The following CLIP1 variants were observed in gnomAD, a reference collection of about 807,000 sequenced individuals.
The protein encoded by CLIP1 is CAP-Gly domain-containing linker protein 1.
Under a neutral mutation model 161.6 loss-of-function variants are expected in CLIP1, and 66 were observed. That is an observed-to-expected ratio of 0.41 (90% CI 0.33 to 0.50). The LOEUF (loss-of-function observed/expected upper bound fraction) is 0.50. CLIP1 is among the 20% of genes least tolerant of loss of function. CLIP1 has a pLI of 0.27. For missense variants in CLIP1, 1,376 were observed against 1,702.0 expected (o/e 0.81, Z 3.37); for synonymous variants, 598 against 626.2 (o/e 0.96, Z 0.67).
rs767272290 is a variant in CLIP1 at position 122,333,000 on chromosome 12, G to A, written c.2854C>T (p.Arg952Cys). 25 of 1,612,952 alleles carry A rather than the reference G, an allele frequency of 1.5e-5. No individual in the cohort carries two copies. The South Asian group carries it at 2.5e-4, about 16-fold the overall frequency. The change falls in exon 15 of 26, where the codon CGT becomes TGT. Residue 952 changes from arginine (R) to cysteine (C), a missense_variant. Arg to Cys is a radical substitution (Grantham distance 180). This residue lies in a region of CLIP1 where 948 missense variants were observed against 1,134.8 expected (regional missense o/e 0.84). Coordinates refer to ENST00000620786, the MANE Select transcript of CLIP1 (RefSeq NM_001247997.2). Reference sequence around the variant, plus strand: ...AGTCACATATACCTTTCTTTCAGACGTAATTCATCGTTCATTTTTGTCAGC... The same window carrying A: ...AGTCACATATACCTTTCTTTCAGACATAATTCATCGTTCATTTTTGTCAGC... ...SQLTKMNDELRLKERDVEELQ... is the reference protein window; with the variant it reads ...SQLTKMNDELCLKERDVEELQ...
At position 122,352,781 on chromosome 12, in the gene CLIP1, A is replaced by G; in HGVS notation, c.1313T>C (p.Val438Ala). 1.2e-6 allele frequency: 2 copies of G among 1,613,734 alleles called. No individual in the cohort carries two copies. Among genetic ancestry groups the G allele is most frequent in the Non-Finnish European group, 1.7e-6 (2 of 1,179,668 alleles). Residue 438 changes from valine (V) to alanine (A), a missense_variant, in exon 8 of 26, where the codon GTT becomes GCT. Around this residue, in one of 6 missense-constraint regions of CLIP1, gnomAD observed 5 missense variants for 28.3 expected, o/e 0.18. Transcript: ENST00000620786. ...TTCAACCCGGAACTGAAGGTCCTCA[A>G]CCTTCCTGTGGAATAAAACCCAAAC... is the stretch of plus-strand genomic sequence containing the variant. ...LNQLEEEKRK[V>A]EDLQFRVEEE... is the part of the protein sequence containing the mutation.
At chr12:122,290,585 T>C (rs907269896) in intron 20 of CLIP1, among the ~76,000 whole-genome samples, 2 of 152,064 alleles carry the variant, frequency 1.3e-5, no homozygotes, top group African/African-American at 4.8e-5. Flanking sequence ...ACAATGAATA[T>C]ATAAATGGAC....
At chr12:122,412,815 T>A (rs1956592934) in intron 1 of CLIP1, among the ~76,000 whole-genome samples, 1 of 152,176 alleles carries the variant, frequency 6.6e-6, no homozygotes, top group Non-Finnish European at 1.5e-5. Flanking sequence ...GAACATTATG[T>A]TACTAAAATG....
At chr12:122,387,068 T>A (rs1161495477) in intron 1 of CLIP1, among the ~76,000 whole-genome samples, 1 of 152,152 alleles carries the variant, frequency 6.6e-6, no homozygotes, top group Non-Finnish European at 1.5e-5. Context: ...TTTTTAAATA[T>A]GTTTGTAGAG....
chr12:122,278,286 A>G (rs2033277792), intron 23 of CLIP1, 83 bp from the exon 24 acceptor site: 1 of 1,265,434 alleles, frequency 7.9e-7, no homozygotes, highest in African/African-American at 1.5e-5. Flanking sequence ...CTGCAGTGAA[A>G]GGGCCTGTGT....
chr12:122,365,896 C>T (rs994044855), intron 3 of CLIP1, among the ~76,000 whole-genome samples: 1 of 152,118 alleles, frequency 6.6e-6, no homozygotes, highest in African/African-American at 2.4e-5. Context: ...TGTGGTCCCA[C>T]TCCTCAGGAA....
chr12:122,300,301 C>T (rs540392830), intron 20 of CLIP1, among the ~76,000 whole-genome samples: 3 of 151,956 alleles, frequency 2.0e-5, no homozygotes, highest in Admixed American at 6.6e-5. Context: ...ATAACATTAG[C>T]TGAATGACAT....
At chr12:122,320,149 C>T (rs913358288) in intron 17 of CLIP1, among the ~76,000 whole-genome samples, 19 of 151,648 alleles carry the variant, frequency 1.3e-4, no homozygotes, top group African/African-American at 4.6e-4. Context: ...TGGCGGGTGC[C>T]TGTAGCTACT....
rs570410484 is a variant in CLIP1 at position 122,328,016 on chromosome 12, G to A, written c.3180C>T (p.Gly1060=). The change falls in exon 17 of 26, where the codon GGC becomes GGT. Residue 1060 remains glycine, a synonymous_variant. Transcript: ENST00000620786. ...GCAAGCCACTGTTCTCCTCCCGTGCGCCCTTCAGCTTGTCCTCTGTGTCCA... is the reference window on the plus strand; with the variant it reads ...GCAAGCCACTGTTCTCCTCCCGTGCACCCTTCAGCTTGTCCTCTGTGTCCA... The part of the protein sequence containing the change: ...TLLDTEDKLK[G]AREENSGLLQ... The A allele has an allele frequency of 4.8e-4, 770 of 1,614,102 alleles. 5 individuals carry two copies. The South Asian group carries it at 7.9e-3, about 16-fold the overall frequency.
At chr12:122,360,750 C>G (rs1953738166) in intron 5 of CLIP1, 1 of 516,232 alleles carries the variant, frequency 1.9e-6, no homozygotes, top group Non-Finnish European at 3.4e-6. Flanking sequence ...CTGAAAGGGA[C>G]TATTAAAAGC....
intron 20 of CLIP1, among the ~76,000 whole-genome samples, chr12:122,302,607 C>A (rs1006211944): frequency 6.6e-6 from 1 of 151,922 alleles, no homozygotes; most frequent in Non-Finnish European, 1.5e-5. Context: ...CGCACACACA[C>A]ATATATTTGA....
At chr12:122,276,695 C>G (rs894841710) in intron 24 of CLIP1, 5 of 313,796 alleles carry the variant, frequency 1.6e-5, no homozygotes, top group Non-Finnish European at 3.1e-5. Context: ...GAATTTTGAA[C>G]ATGACTAATA....
At chr12:122,329,999 C>T (rs1951874620) in intron 15 of CLIP1, among the ~76,000 whole-genome samples, 2 of 152,106 alleles carry the variant, frequency 1.3e-5, no homozygotes, top group South Asian at 4.1e-4. Context: ...TGCCTGTAAT[C>T]CCAGCTACTC....
At chr12:122,356,219 T>C (rs949835241) in intron 5 of CLIP1, 2 of 152,238 alleles carry the variant, frequency 1.3e-5, no homozygotes, top group African/African-American at 4.8e-5. Flanking sequence ...TCTTCCTGAA[T>C]ACATTAAATG....
intron 1 of CLIP1, among the ~76,000 whole-genome samples, chr12:122,391,903 T>C (rs1955677286): frequency 6.6e-6 from 1 of 152,190 alleles, no homozygotes; most frequent in Admixed American, 6.5e-5. Context: ...ATTCTAAGAA[T>C]CCAAGCTCCT....
At chr12:122,420,790 GC>G (rs1274512090) in intron 1 of CLIP1, among the ~76,000 whole-genome samples, 1 of 151,952 alleles carries the variant, frequency 6.6e-6, no homozygotes, top group African/African-American at 2.4e-5. Flanking sequence ...ACAAAAATTA[GC>G]CGGGCGTGGT....
At chr12:122,385,064 C>G (rs1186071159) in intron 1 of CLIP1, among the ~76,000 whole-genome samples, 1 of 151,404 alleles carries the variant, frequency 6.6e-6, no homozygotes, top group African/African-American at 2.4e-5. Flanking sequence ...TCATGAGTAG[C>G]TGGGACTACA....
intron 1 of CLIP1, among the ~76,000 whole-genome samples, chr12:122,384,373 T>A (rs1041373965): frequency 1.3e-5 from 2 of 152,152 alleles, no homozygotes; most frequent in Non-Finnish European, 2.9e-5. Context: ...AGGCTTCAGC[T>A]GTGAAGGTAG....
rs199957950 is a variant in CLIP1, at chr12:122,341,761, T to TC, written c.1507-65dup. 1.1e-4 allele frequency: 48 copies of TC among 435,842 alleles called. 3 individuals are homozygous for TC. The East Asian group carries it at 1.9e-3, about 17-fold the overall frequency. The allele number at this position is 435,842 out of a possible 1,614,324, so 27.0% of individuals were successfully genotyped here. A position where few individuals can be genotyped will look rare whatever the true frequency, so the allele number is the denominator to read the frequency against. Reference sequence around the variant, plus strand: ...TAACAAGTCATTGACTATTTTCTTTTCTTTTTTTTTTTTTTTTTTTTTTTT... The same window carrying TC: ...TAACAAGTCATTGACTATTTTCTTTTCCTTTTTTTTTTTTTTTTTTTTTTTT... On this transcript the variant is annotated intron_variant, in intron 10 of 25. Coordinates refer to ENST00000620786, the MANE Select transcript of CLIP1 (RefSeq NM_001247997.2).
Sources: gnomAD v4.1 joint callset for allele counts (sites outside exome capture counted in the v4.1 genomes callset) on GRCh38, gnomAD v4.1.1 for gene constraint, gnomAD v4.1.1 regional missense constraint, MANE v1.5 for transcripts, NCBI Gene and HGNC (gene_info 2026-07-23, HGNC 2026-07-21) for gene names.